The following VPS13D variants were observed in gnomAD, a reference collection of about 807,000 sequenced individuals.
VPS13D encodes vacuolar protein sorting 13 homolog D.
In VPS13D, 187 loss-of-function variants were observed where a neutral mutation model predicts 461.9. The ratio of observed to expected loss-of-function variants is 0.40; its 90% CI spans 0.36 to 0.46. VPS13D has a LOEUF of 0.46. VPS13D is among the 20% of genes least tolerant of loss of function. VPS13D has a pLI of 0.60. For synonymous variants in VPS13D, 1,951 were observed against 1,986.3 expected, an observed-to-expected ratio of 0.98 and a Z score of 0.47; for missense variants, 4,711 against 5,364.9, an observed-to-expected ratio of 0.88 and a Z score of 3.81.
intron 57 of VPS13D, among the ~76,000 whole-genome samples, chr1:12,381,980 T>TTCTTTCTTTCTTTCTTTC (rs1318974573): frequency 3.8e-5 from 5 of 131,182 alleles, no homozygotes; most frequent in East Asian, 2.6e-4. Context: ...CTTTCTTTCT[T>TTCTTTCTTTCTTTCTTTC]TCTCTCTCTC....
At chr1:12,410,942 A>G (rs1003891789) in intron 63 of VPS13D, among the ~76,000 whole-genome samples, 1 of 152,250 alleles carries the variant, frequency 6.6e-6, no homozygotes, top group African/African-American at 2.4e-5. Flanking sequence ...TCAGCAAGCT[A>G]AAAATAGAAG....
rs773277778 is a variant in VPS13D at position 12,506,866 on chromosome 1, G to A, written c.12808G>A (p.Glu4270Lys). ...CTCGCTTTGCAGCTTCATCGCTGTG[G>A]AGAACATTGACAGCTACTGCGTGCT... ...NIQDEFFIAV[E>K]NIDSYCVLIS... The change falls in exon 69 of 70, where the codon GAG becomes AAG. Residue 4270 changes from glutamate to lysine, a missense_variant. Glu to Lys is a moderately conservative substitution (Grantham distance 56). Transcript: ENST00000620676. 3 of 1,614,090 alleles carry A rather than the reference G, an allele frequency of 1.9e-6. No homozygotes were observed. The East Asian group carries it at 6.7e-5, about 36-fold the overall frequency.
chr1:12,399,557 C>T (rs545321228), intron 60 of VPS13D, among the ~76,000 whole-genome samples: 3 of 152,174 alleles, frequency 2.0e-5, no homozygotes, highest in African/African-American at 4.8e-5. Flanking sequence ...CGGTGGCTCA[C>T]GCCTGTAATC....
At chr1:12,278,171 A>C in intron 19 of VPS13D, 133 bp downstream of exon 19, 2 of 988,872 alleles carry the variant, frequency 2.0e-6, no homozygotes, top group Non-Finnish European at 2.8e-6. Flanking sequence ...TAAGAAATCA[A>C]AGAGTTTTAA....
chr1:12,316,889 A>T (rs547520317), intron 30 of VPS13D, among the ~76,000 whole-genome samples: 2 of 152,188 alleles, frequency 1.3e-5, no homozygotes, highest in African/African-American at 4.8e-5. Context: ...TGATGTACTA[A>T]TAGGGCCTGG....
intron 54 of VPS13D, among the ~76,000 whole-genome samples, chr1:12,371,599 G>T (rs1644118204): frequency 6.6e-6 from 1 of 151,896 alleles, no homozygotes; most frequent in African/African-American, 2.4e-5. Context: ...CACCATGTTG[G>T]TCAGGCTGGT....
chr1:12,368,664 CA>C, intron 53 of VPS13D, 73 bp downstream of exon 53: 2 of 1,499,058 alleles, frequency 1.3e-6, no homozygotes, highest in Non-Finnish European at 1.8e-6. Flanking sequence ...GCCCTTGACA[CA>C]ATGGTACAAT....
chr1:12,306,132 C>T (rs1035637169), intron 26 of VPS13D, among the ~76,000 whole-genome samples: 34 of 152,016 alleles, frequency 2.2e-4, no homozygotes, highest in Admixed American at 2.2e-3. Context: ...TACAGGCGCC[C>T]GCCACCACGC....
chr1:12,372,504 ATAT>A (rs1335235696), intron 54 of VPS13D, among the ~76,000 whole-genome samples: 2 of 152,280 alleles, frequency 1.3e-5, no homozygotes, highest in East Asian at 3.9e-4. Context: ...TCATTTGTGT[ATAT>A]TATTTGGAGA....
intron 10 of VPS13D, 83 bp from the exon 11 acceptor site, chr1:12,260,610 T>C (rs2101285309): frequency 8.7e-7 from 1 of 1,144,822 alleles, no homozygotes; most frequent in Non-Finnish European, 1.3e-6. Context: ...GCTTTACTTT[T>C]AGTGGCTTGT....
chr1:12,277,955 C>T lies in VPS13D; in HGVS notation c.4367C>T (p.Pro1456Leu). The T allele has an allele frequency of 6.2e-7, 1 of 1,614,194 alleles. No homozygotes were observed. Among genetic ancestry groups the T allele is most frequent in the Non-Finnish European group, 8.5e-7 (1 of 1,180,026 alleles). ...GAAGGAAGCCGGATGTTTTGCCCAC[C>T]TTCCGGGTCTGGCAGTGCCAACAGT... is the stretch of plus-strand genomic sequence containing the variant. ...GSEGSRMFCP[P>L]SGSGSANSQE... is the part of the protein sequence containing the mutation. The change falls in exon 19 of 70, where the codon CCT (proline) becomes CTT (leucine). Residue 1456 changes from proline to leucine, a missense_variant. Coordinates refer to ENST00000620676, the MANE Select transcript of VPS13D (RefSeq NM_015378.4).
rs181971645 is a variant in VPS13D, at chr1:12,315,065, T to C, written c.7148+738T>C. 5.9e-5 allele frequency among the ~76,000 whole-genome samples: 9 copies of C among 152,380 alleles called. No individual in the cohort carries two copies. The South Asian group carries it at 1.4e-3, about 25-fold the overall frequency. ...TGATATAACATGTTGTTTTATGATA[T>C]ACCATTTGCTGATGTTATGGCTGAA... On this transcript the variant is annotated intron_variant, in intron 30 of 69. Coordinates refer to ENST00000620676, the MANE Select transcript of VPS13D (RefSeq NM_015378.4).
chr1:12,272,991 T>C lies in VPS13D; in HGVS notation c.2104-12T>C, dbSNP rs1569762696. 5 of 1,612,006 alleles carry C rather than the reference T, an allele frequency of 3.1e-6. No homozygotes were observed. The Admixed American group carries it at 8.4e-5, about 27-fold the overall frequency. On this transcript the variant is annotated splice_polypyrimidine_tract_variant and intron_variant, in intron 17 of 69. Transcript: ENST00000620676. The stretch of plus-strand genomic sequence containing the variant: ...TCGGCAGTTATGGTTAATGACTGTT[T>C]TATTTGTACAGGAGGAGAGTAAACG...
rs972346066 is a variant in VPS13D at position 12,316,803 on chromosome 1, C to T, written c.7149-1269C>T. Among the ~76,000 whole-genome samples, 5 of 151,960 alleles carry T rather than the reference C, an allele frequency of 3.3e-5. No individual in the cohort carries two copies. The South Asian group carries it at 6.3e-4, about 19-fold the overall frequency. ...CGGAACCAAGTTCAACCCAGAAAAC[C>T]GCATTCAAGTGCTCCAGCCCCTGTT... On this transcript the variant is annotated intron_variant, in intron 30 of 69. Transcript: ENST00000620676.
intron 63 of VPS13D, among the ~76,000 whole-genome samples, chr1:12,413,395 C>T (rs1224269264): frequency 1.3e-5 from 2 of 151,964 alleles, no homozygotes; most frequent in Non-Finnish European, 2.9e-5. Flanking sequence ...ATCACTTGAG[C>T]CCAGGAGGTC....
chr1:12,489,499 T>C (rs916607038), intron 67 of VPS13D, among the ~76,000 whole-genome samples: 2 of 152,230 alleles, frequency 1.3e-5, no homozygotes, highest in Non-Finnish European at 2.9e-5. Flanking sequence ...ATTTTATGTG[T>C]GTTATGCATG....
intron 2 of VPS13D, among the ~76,000 whole-genome samples, chr1:12,240,016 A>G (rs1031516457): frequency 3.9e-5 from 6 of 152,138 alleles, no homozygotes; most frequent in African/African-American, 1.4e-4. Context: ...CAGTGGGTGC[A>G]TATTTGAGTG....
intron 65 of VPS13D, among the ~76,000 whole-genome samples, chr1:12,448,709 G>A (rs182409024): frequency 4.0e-4 from 61 of 152,320 alleles, no homozygotes; most frequent in Admixed American, 9.1e-4. Flanking sequence ...AAGATCAGTT[G>A]TCTTGATTCT....
chr1:12,373,930 G>T (rs752140279), intron 55 of VPS13D, 72 bp downstream of exon 55: 91 of 1,190,092 alleles, frequency 7.6e-5, no homozygotes, highest in Non-Finnish European at 1.0e-4. Flanking sequence ...ATCACCCAGT[G>T]CAGAGTCCTT....
Sources: allele counts gnomAD v4.1 joint callset (sites outside exome capture counted in the v4.1 genomes callset), GRCh38; gene constraint gnomAD v4.1.1; transcripts MANE v1.5; gene names NCBI Gene and HGNC (gene_info 2026-07-23, HGNC 2026-07-21).